Variants in GRM8 observed in about 807,000 individuals in gnomAD.
GRM8 encodes the protein metabotropic glutamate receptor 8.
In GRM8, 47 loss-of-function variants were observed where a neutral mutation model predicts 87.2. The ratio of observed to expected loss-of-function variants is 0.54; its 90% confidence interval spans 0.43 to 0.69. The LOEUF (loss-of-function observed/expected upper bound fraction) is 0.69. GRM8 is among the 30% of genes least tolerant of loss of function. The pLI is 0.00. For missense variants in GRM8, 1,019 were observed against 1,139.2 expected (o/e 0.89, Z 1.52); for synonymous variants, 396 against 404.5 (o/e 0.98, Z 0.25).
intron 9 of GRM8, among the ~76,000 whole-genome samples, chr7:126,530,345 C>T (rs1264877261): frequency 6.6e-6 from 1 of 152,236 alleles, no homozygotes; most frequent in Non-Finnish European, 1.5e-5. Context: ...CTGCAGAATG[C>T]ACAGTTCTAT....
chr7:126,695,193 T>G (rs775739736), intron 7 of GRM8, among the ~76,000 whole-genome samples: 2 of 152,084 alleles, frequency 1.3e-5, no homozygotes, highest in African/African-American at 4.8e-5. Flanking sequence ...AATACTAAAT[T>G]AGTAATATAT....
intron 9 of GRM8, among the ~76,000 whole-genome samples, chr7:126,452,472 C>T (rs1802732348): frequency 6.7e-6 from 1 of 149,182 alleles, no homozygotes; most frequent in Admixed American, 6.7e-5. Flanking sequence ...GGATAACAGA[C>T]ATTCTCTATA....
At chr7:127,075,446 A>T (rs1218011437) in intron 3 of GRM8, among the ~76,000 whole-genome samples, 1 of 152,248 alleles carries the variant, frequency 6.6e-6, no homozygotes, top group Non-Finnish European at 1.5e-5. Context: ...TTACTTGATA[A>T]ATGCATTCAT....
At chr7:126,828,675 A>C (rs1486614937) in intron 6 of GRM8, among the ~76,000 whole-genome samples, 1 of 152,038 alleles carries the variant, frequency 6.6e-6, no homozygotes, top group African/African-American at 2.4e-5. Flanking sequence ...GGATTCATTA[A>C]TTTTTTGAAG....
Position 126,765,350 on chromosome 7 carries a change from T to G in GRM8, c.1357+4515A>C, listed in dbSNP as rs188104030. Among the ~76,000 whole-genome samples, 53 of 152,216 alleles carry G rather than the reference T, an allele frequency of 3.5e-4. No individual in the cohort carries two copies. The East Asian group carries it at 0.01, about 29-fold the overall frequency. ...CTATTCCCGCTATGCGGTTTCCTGATGCACATTCACAAATTCTTAATTTCA... is the reference window on the plus strand; with the variant it reads ...CTATTCCCGCTATGCGGTTTCCTGAGGCACATTCACAAATTCTTAATTTCA... On this transcript the variant is annotated intron_variant, in intron 7 of 10. Coordinates refer to ENST00000339582, the MANE Select transcript of GRM8 (RefSeq NM_000845.3).
At position 127,195,908 on chromosome 7, in the gene GRM8, C is replaced by CA. The variant is rs1795255932; in HGVS notation, c.510+46786dup. ...ATACATCTTTGTCTTCCCCGACACC[C>CA]AAATACAGCCTGGTGTAAACTACCA... is the stretch of plus-strand genomic sequence containing the variant. On this transcript the variant is annotated intron_variant, in intron 2 of 10. Coordinates refer to ENST00000339582, the MANE Select transcript of GRM8 (RefSeq NM_000845.3). Among the ~76,000 whole-genome samples, 3 of 152,056 alleles carry CA rather than the reference C, an allele frequency of 2.0e-5. No individual in the cohort carries two copies. The South Asian group carries it at 6.2e-4, about 32-fold the overall frequency.
chr7:126,690,381 C>A (rs1808672352), intron 7 of GRM8, among the ~76,000 whole-genome samples: 2 of 152,170 alleles, frequency 1.3e-5, no homozygotes, highest in South Asian at 4.1e-4. Flanking sequence ...GCTCCAGGCA[C>A]CTGCATGGGT....
chr7:126,550,242 G>A (rs1454196247), intron 8 of GRM8, among the ~76,000 whole-genome samples: 3 of 151,812 alleles, frequency 2.0e-5, no homozygotes, highest in Admixed American at 6.6e-5. Context: ...AGTCCCCCGA[G>A]CAACTGGGAC....
At chr7:126,554,395 C>T (rs1562950882) in intron 8 of GRM8, among the ~76,000 whole-genome samples, 2 of 151,160 alleles carry the variant, frequency 1.3e-5, no homozygotes, top group Non-Finnish European at 2.9e-5. Context: ...GCCAAGATAA[C>T]ATAGCAAGAC....
intron 3 of GRM8, among the ~76,000 whole-genome samples, chr7:126,938,676 A>G (rs967965308): frequency 2.0e-5 from 3 of 152,226 alleles, no homozygotes; most frequent in Non-Finnish European, 4.4e-5. Flanking sequence ...TTAAAAAAAG[A>G]ATTGTAAAAT....
At chr7:127,141,451 A>T (rs1828250390) in intron 2 of GRM8, among the ~76,000 whole-genome samples, 1 of 152,178 alleles carries the variant, frequency 6.6e-6, no homozygotes, top group Non-Finnish European at 1.5e-5. Flanking sequence ...ATTGTTGAGG[A>T]TTAGAAAATG....
intron 6 of GRM8, among the ~76,000 whole-genome samples, chr7:126,817,625 C>A (rs1406291926): frequency 6.6e-6 from 1 of 152,040 alleles, no homozygotes; most frequent in Non-Finnish European, 1.5e-5. Context: ...ACGAAAAGTC[C>A]TTCCCTATCA....
intron 9 of GRM8, among the ~76,000 whole-genome samples, chr7:126,527,903 T>C (rs1278228605): frequency 6.6e-6 from 1 of 152,194 alleles, no homozygotes; most frequent in Non-Finnish European, 1.5e-5. Flanking sequence ...GGCAAGCCTC[T>C]ATGTTTAAGA....
chr7:126,544,094 T>G (rs1355394068), intron 8 of GRM8, among the ~76,000 whole-genome samples: 2 of 152,176 alleles, frequency 1.3e-5, no homozygotes, highest in African/African-American at 4.8e-5. Flanking sequence ...CAAGACATAT[T>G]TTTATTGTAA....
At chr7:126,494,133 C>T (rs1808402579) in intron 9 of GRM8, among the ~76,000 whole-genome samples, 1 of 151,936 alleles carries the variant, frequency 6.6e-6, no homozygotes, top group Non-Finnish European at 1.5e-5. Flanking sequence ...TGAAGATGAC[C>T]ATTTTCTCAT....
At chr7:126,933,339 T>A (rs921225530) in intron 3 of GRM8, among the ~76,000 whole-genome samples, 2 of 152,214 alleles carry the variant, frequency 1.3e-5, no homozygotes, top group East Asian at 3.8e-4. Flanking sequence ...TGGAAAGAGT[T>A]AAGAACATAG....
At position 126,533,543 on chromosome 7, in the gene GRM8, G is replaced by C. The variant is rs766635867; in HGVS notation, c.1839C>G (p.Ile613Met). Residue 613 changes from isoleucine (I) to methionine (M), a missense_variant, in exon 9 of 11, where the codon ATC (isoleucine) becomes ATG (methionine). Ile to Met is a conservative substitution (Grantham distance 10, BLOSUM62 1). Transcript: ENST00000339582. ...VTFVRYNDTP[I>M]VRASGRELSY... The stretch of plus-strand genomic sequence containing the variant: ...TAAGTTCGCGTCCTGAAGCCCTCAC[G>C]ATAGGTGTGTCATTATAGCGGACAA... The C allele has an allele frequency of 1.2e-6, 2 of 1,613,956 alleles. No individual in the cohort carries two copies. Among genetic ancestry groups the C allele is most frequent in the Admixed American group, 3.3e-5 (2 of 60,004 alleles).
At chr7:126,787,991 C>A (rs1445418208) in intron 6 of GRM8, among the ~76,000 whole-genome samples, 1 of 152,128 alleles carries the variant, frequency 6.6e-6, no homozygotes, top group East Asian at 1.9e-4. Flanking sequence ...AGGGGAAAAT[C>A]TCCATCTAAT....
chr7:127,062,215 G>C (rs1479672223), intron 3 of GRM8, among the ~76,000 whole-genome samples: 2 of 152,122 alleles, frequency 1.3e-5, no homozygotes, highest in Admixed American at 6.5e-5. Context: ...CAGACAAAGA[G>C]ATCATGTGGG....
Sources: allele counts gnomAD v4.1 joint callset (sites outside exome capture counted in the v4.1 genomes callset), GRCh38; gene constraint gnomAD v4.1.1; transcripts MANE v1.5; gene names NCBI Gene and HGNC (gene_info 2026-07-23, HGNC 2026-07-21).